Variants in PAM observed in about 807,000 individuals in gnomAD.
The protein encoded by PAM is peptidylglycine alpha-amidating monooxygenase.
A neutral mutation model predicts 122.1 loss-of-function variants in PAM; 72 were observed. The observed-to-expected ratio is 0.59, with a 90% CI of 0.49 to 0.72. PAM has a LOEUF of 0.72. PAM is among the 30% of genes least tolerant of loss of function. The probability of loss-of-function intolerance (pLI) is 0.00; values close to 1 mark genes in which losing one functional copy is unlikely to be tolerated. For missense variants in PAM, 1,106 were observed against 1,183.7 expected, an observed-to-expected ratio of 0.93 and a Z score of 0.96; for synonymous variants, 389 against 404.4, an observed-to-expected ratio of 0.96 and a Z score of 0.46.
At chr5:102,813,837 A>C (rs1025727449) in intron 1 of PAM, among the ~76,000 whole-genome samples, 1 of 152,186 alleles carries the variant, frequency 6.6e-6, no homozygotes, top group Non-Finnish European at 1.5e-5. Context: ...AATAGGGAGA[A>C]GAAAGGTTAA....
chr5:102,918,889 G>A (rs994037199), intron 5 of PAM, among the ~76,000 whole-genome samples: 1 of 152,042 alleles, frequency 6.6e-6, no homozygotes, highest in Admixed American at 6.6e-5. Flanking sequence ...TGTATCCAGT[G>A]TTATACTTTG....
At chr5:102,912,944 T>C (rs1293173411) in intron 4 of PAM, among the ~76,000 whole-genome samples, 1 of 152,078 alleles carries the variant, frequency 6.6e-6, no homozygotes, top group Non-Finnish European at 1.5e-5. Flanking sequence ...TGAGTCATGG[T>C]GCTATAGTTT....
At chr5:102,765,071 T>A (rs1301612591) in intron 1 of PAM, among the ~76,000 whole-genome samples, 1 of 152,262 alleles carries the variant, frequency 6.6e-6, no homozygotes, top group Non-Finnish European at 1.5e-5. Flanking sequence ...TTCTGATTTA[T>A]TCCAGCTTAC....
At chr5:102,885,394 T>C (rs574380928) in intron 3 of PAM, among the ~76,000 whole-genome samples, 72 of 152,114 alleles carry the variant, frequency 4.7e-4, no homozygotes, top group African/African-American at 1.7e-3. Flanking sequence ...ATCTTTAAAA[T>C]ATTTTATCTA....
At chr5:102,972,524 C>G (rs987149985) in intron 14 of PAM, among the ~76,000 whole-genome samples, 3 of 151,832 alleles carry the variant, frequency 2.0e-5, no homozygotes, top group Non-Finnish European at 4.4e-5. Flanking sequence ...TCAAGCGATC[C>G]TCCTGCCTGG....
chr5:102,914,034 G>A lies in PAM; in HGVS notation c.356+13G>A, dbSNP rs765570880. 1.4e-6 allele frequency: 2 copies of A among 1,405,266 alleles called. No individual in the cohort carries two copies. The highest frequency in any genetic ancestry group is 2.0e-6 in the Non-Finnish European group (2 of 989,774). 87.0% of individuals were successfully genotyped at this position (1,405,266 alleles called of 1,614,324 possible). ...CTGGAAGTTACTGGTAAGGATAATG[G>A]GTTTACAGTATAGAAGGGTGTAGAA... On this transcript the variant is annotated intron_variant, in intron 5 of 25. Coordinates refer to ENST00000438793, the MANE Select transcript of PAM (RefSeq NM_001177306.2).
At chr5:102,789,183 A>G (rs1188954235) in intron 1 of PAM, among the ~76,000 whole-genome samples, 2 of 152,108 alleles carry the variant, frequency 1.3e-5, no homozygotes, top group Non-Finnish European at 2.9e-5. Flanking sequence ...AATTCAGTAT[A>G]GAGACTGAAT....
chr5:102,957,537 TC>T (rs1366564275), intron 12 of PAM, among the ~76,000 whole-genome samples: 3 of 152,124 alleles, frequency 2.0e-5, no homozygotes, highest in African/African-American at 7.2e-5. Context: ...TCTTTTCTTT[TC>T]TTTTTTTTGA....
In PAM at chr5:102,857,255, C is replaced by T. The variant is rs370122866; in HGVS notation, c.-373-8568C>T. 2.1e-4 allele frequency among the ~76,000 whole-genome samples: 32 copies of T among 152,236 alleles called. No individual in the cohort carries two copies. The East Asian group carries it at 5.4e-3, about 26-fold the overall frequency. On this transcript the variant is annotated intron_variant, in intron 1 of 25. Coordinates refer to ENST00000438793, the MANE Select transcript of PAM (RefSeq NM_001177306.2). ...GAGCAGTGGGGACAGTGGCAGTCTG[C>T]GGATTGCTGGCCACGTCAAAAAGGG...
chr5:102,839,976 G>C (rs1778150898), intron 1 of PAM, among the ~76,000 whole-genome samples: 1 of 152,074 alleles, frequency 6.6e-6, no homozygotes, highest in Non-Finnish European at 1.5e-5. Context: ...AATAAGATGT[G>C]CTTACTCCCA....
At chr5:103,003,007 T>C (rs781284255) in intron 16 of PAM, 26 bp from the exon 17 acceptor site, 1 of 977,188 alleles carries the variant, frequency 1.0e-6, no homozygotes, top group Non-Finnish European at 1.7e-6. Flanking sequence ...GATTGTTTCA[T>C]GTCCTATTTA....
intron 5 of PAM, among the ~76,000 whole-genome samples, chr5:102,920,127 T>C (rs1746882897): frequency 6.6e-6 from 1 of 152,068 alleles, no homozygotes; most frequent in African/African-American, 2.4e-5. Flanking sequence ...ATTGGTTAAA[T>C]GATGTAACCT....
intron 1 of PAM, among the ~76,000 whole-genome samples, chr5:102,793,942 T>A (rs1762711489): frequency 6.6e-6 from 1 of 152,172 alleles, no homozygotes; most frequent in South Asian, 2.1e-4. Flanking sequence ...ATTAAATGCA[T>A]ATTTTTTTCT....
chr5:102,866,378 A>G, intron 2 of PAM, 94 bp downstream of exon 2: 1 of 801,908 alleles, frequency 1.2e-6, no homozygotes, highest in South Asian at 1.4e-5. Flanking sequence ...GACGGGGTTG[A>G]TGTTCTTTGC....
intron 16 of PAM, among the ~76,000 whole-genome samples, chr5:102,997,737 A>C (rs1776163098): frequency 6.6e-6 from 1 of 152,222 alleles, no homozygotes; most frequent in South Asian, 2.1e-4. Flanking sequence ...AAAGTTCTAT[A>C]TTATGAATAT....
At chr5:102,766,670 G>T (rs1363682339) in intron 1 of PAM, among the ~76,000 whole-genome samples, 1 of 152,150 alleles carries the variant, frequency 6.6e-6, no homozygotes, top group Non-Finnish European at 1.5e-5. Context: ...GATAAAAGTT[G>T]CATGTGAAAT....
intron 23 of PAM, among the ~76,000 whole-genome samples, chr5:103,022,184 G>T (rs898199506): frequency 7.1e-6 from 1 of 140,190 alleles, no homozygotes; most frequent in Non-Finnish European, 1.5e-5. Context: ...CTTTAGTGCA[G>T]TTAGCTTTTT....
chr5:102,823,843 G>GT (rs1345593826), intron 1 of PAM, among the ~76,000 whole-genome samples: 1 of 152,102 alleles, frequency 6.6e-6, no homozygotes, highest in Non-Finnish European at 1.5e-5. Flanking sequence ...GTCTGAACTT[G>GT]TTATATGCAG....
intron 1 of PAM, among the ~76,000 whole-genome samples, chr5:102,786,808 A>C (rs1478388098): frequency 6.6e-6 from 1 of 152,184 alleles, no homozygotes; most frequent in Non-Finnish European, 1.5e-5. Flanking sequence ...AAAAGAAACA[A>C]GTAACTTACT....
Sources: gnomAD v4.1 joint callset for allele counts (sites outside exome capture counted in the v4.1 genomes callset) on GRCh38, gnomAD v4.1.1 for gene constraint, MANE v1.5 for transcripts, NCBI Gene and HGNC (gene_info 2026-07-23, HGNC 2026-07-21) for gene names.